Variants in KLF8 observed in about 807,000 individuals in gnomAD.
KLF8 encodes Krueppel-like factor 8.
KLF8 carries 10 observed loss-of-function variants against 18.2 expected under a neutral mutation model. The ratio of observed to expected loss-of-function variants is 0.55; its 90% CI spans 0.34 to 0.93. The LOEUF (loss-of-function observed/expected upper bound fraction) is 0.93. Ranked by LOEUF, KLF8 falls within the 40% of genes least tolerant of loss-of-function variation. The pLI is 0.02. For synonymous variants in KLF8, 109 were observed against 97.3 expected (o/e 1.12, Z -0.71); for missense variants, 264 against 277.9 (o/e 0.95, Z 0.36).
At chrX:56,004,566 T>C in the KLF8 span, among the ~76,000 whole-genome samples, 60 of 111,882 alleles carry the variant, frequency 5.4e-4, no homozygotes, top group African/African-American at 2.0e-3. Flanking sequence ...ACAGAAGCTG[T>C]GATCTTTGGT....
the KLF8 span, among the ~76,000 whole-genome samples, chrX:56,017,502 G>A: frequency 4.4e-5 from 5 of 112,362 alleles, no homozygotes; most frequent in Admixed American, 2.8e-4. Flanking sequence ...GGAAGATGCA[G>A]TTGGTCTGAG....
chrX:56,266,100 G>A (rs2066969544), intron 3 of KLF8: 1 of 779,074 alleles, frequency 1.3e-6, no homozygotes, highest in Non-Finnish European at 1.5e-6. Context: ...TAAACCACAT[G>A]CTTCAAAAAT....
At chrX:56,046,544 C>G in the KLF8 span, among the ~76,000 whole-genome samples, 6 of 109,460 alleles carry the variant, frequency 5.5e-5, no homozygotes, top group Non-Finnish European at 1.1e-4. Context: ...TTTGAGGGTA[C>G]TTTTAGAAGT....
At chrX:56,001,215 G>T in the KLF8 span, among the ~76,000 whole-genome samples, 158 of 112,127 alleles carry the variant, frequency 1.4e-3, 1 homozygote, top group East Asian at 0.041. Context: ...CTTTTTTCTT[G>T]TTGCTTCTCT....
At chrX:55,959,386 A>C in the KLF8 span, among the ~76,000 whole-genome samples, 3 of 111,994 alleles carry the variant, frequency 2.7e-5, no homozygotes, top group Admixed American at 9.5e-5. Flanking sequence ...AAATGACTAC[A>C]CTAGCTCTCC....
chrX:55,992,357 T>C, the KLF8 span, among the ~76,000 whole-genome samples: 2 of 112,446 alleles, frequency 1.8e-5, no homozygotes, highest in Non-Finnish European at 3.8e-5. Context: ...GAATAGGAAT[T>C]CATTTTTCCA....
the KLF8 span, among the ~76,000 whole-genome samples, chrX:56,057,606 G>C: frequency 1.9e-3 from 210 of 111,366 alleles, no homozygotes; most frequent in African/African-American, 6.3e-3. Flanking sequence ...GGTCCCTAGG[G>C]CACTCAAGGC....
the KLF8 span, among the ~76,000 whole-genome samples, chrX:56,167,918 C>T: frequency 3.6e-5 from 4 of 111,442 alleles, no homozygotes; most frequent in Non-Finnish European, 5.6e-5. Context: ...AAATTATTTC[C>T]ATCCCATATT....
chrX:55,945,677 T>G, the KLF8 span, among the ~76,000 whole-genome samples: 1 of 110,982 alleles, frequency 9.0e-6, no homozygotes, highest in Non-Finnish European at 1.9e-5. Context: ...GGTATTCAAT[T>G]AGGAAAAGAG....
intron 1 of KLF8, among the ~76,000 whole-genome samples, chrX:56,250,019 A>T (rs1450451504): frequency 8.9e-6 from 1 of 111,893 alleles, no homozygotes; most frequent in Non-Finnish European, 1.9e-5. Flanking sequence ...ACCTGCATGC[A>T]GTTTGGTGGA....
At chrX:55,958,369 A>C in the KLF8 span, among the ~76,000 whole-genome samples, 1 of 112,255 alleles carries the variant, frequency 8.9e-6, no homozygotes, top group African/African-American at 3.2e-5. Context: ...ACACTGTTGC[A>C]GCATCAACCA....
At chrX:56,087,953 G>A in the KLF8 span, among the ~76,000 whole-genome samples, 3 of 110,146 alleles carry the variant, frequency 2.7e-5, no homozygotes, top group South Asian at 7.7e-4. Context: ...TCAGATGTTG[G>A]ATGAAGCAGA....
chrX:55,920,082 A>G, the KLF8 span, among the ~76,000 whole-genome samples: 1 of 112,174 alleles, frequency 8.9e-6, no homozygotes, highest in East Asian at 2.8e-4. Context: ...GATGAATCAT[A>G]TCACAGGAGT....
At chrX:56,255,282 ATTTG>A (rs2066775949) in intron 2 of KLF8, among the ~76,000 whole-genome samples, 1 of 112,740 alleles carries the variant, frequency 8.9e-6, no homozygotes, top group African/African-American at 3.2e-5. Flanking sequence ...GCTTTACTGA[ATTTG>A]TTTATGGGTT....
Position 56,265,876 on chromosome X carries a change from C to A in KLF8, c.646+132C>A, listed in dbSNP as rs180776236. On this transcript the variant is annotated intron_variant, in intron 3 of 5. Coordinates refer to ENST00000468660, the MANE Select transcript of KLF8 (RefSeq NM_007250.5). The stretch of plus-strand genomic sequence containing the variant: ...CTTCAAGAGTAATCTTTCAAAAGTA[C>A]TGTTTTTTATGTCTTTTTAATGCTT... 44 of 1,068,687 alleles carry A rather than the reference C, an allele frequency of 4.1e-5. No individual in the cohort carries two copies. The Admixed American group carries it at 4.3e-4, about 10-fold the overall frequency. 88.1% of individuals were successfully genotyped at this position (1,068,687 alleles called of 1,213,427 possible).
chrX:56,235,262 A>G (rs2062068295), intron 1 of KLF8, among the ~76,000 whole-genome samples: 1 of 108,418 alleles, frequency 9.2e-6, no homozygotes, highest in African/African-American at 3.4e-5. Flanking sequence ...TTGTGAATGA[A>G]GGAAAACTTA....
chrX:55,957,246 A>G, the KLF8 span, among the ~76,000 whole-genome samples: 8 of 111,476 alleles, frequency 7.2e-5, no homozygotes, highest in Non-Finnish European at 1.3e-4. Flanking sequence ...TTACATTGGT[A>G]TATTTTTCTG....
At chrX:56,146,731 A>G in the KLF8 span, among the ~76,000 whole-genome samples, 3 of 111,242 alleles carry the variant, frequency 2.7e-5, no homozygotes, top group African/African-American at 9.8e-5. Context: ...AAAAAGAAGA[A>G]GAAGAGAAAA....
chrX:55,968,410 A>G, the KLF8 span, among the ~76,000 whole-genome samples: 1 of 112,281 alleles, frequency 8.9e-6, no homozygotes, highest in Non-Finnish European at 1.9e-5. Context: ...AAAGATTAAT[A>G]TCTTGGCAGT....
Sources: gnomAD v4.1 joint callset for allele counts (sites outside exome capture counted in the v4.1 genomes callset) on GRCh38, gnomAD v4.1.1 for gene constraint, MANE v1.5 for transcripts, NCBI Gene and HGNC (gene_info 2026-07-23, HGNC 2026-07-21) for gene names.